The following TSC2 variants were observed in gnomAD, a reference collection of about 807,000 sequenced individuals.
TSC2 encodes TSC complex subunit 2, also known as tuberin.
Under a neutral mutation model 202.2 loss-of-function variants are expected in TSC2, and 29 were observed. That is an observed-to-expected ratio of 0.14 (90% confidence interval 0.11 to 0.20). TSC2 has a LOEUF of 0.20. Ranked by LOEUF, TSC2 falls within the 10% of genes least tolerant of loss-of-function variation. TSC2 has a pLI of 1.00. For missense variants in TSC2, 2,429 were observed against 2,420.0 expected, an observed-to-expected ratio of 1.00 and a Z score of -0.08; for synonymous variants, 1,349 against 1,044.0, an observed-to-expected ratio of 1.29 and a Z score of -5.63.
At chr16:2,066,649 ATC>A (rs1281884856) in intron 16 of TSC2, among the ~76,000 whole-genome samples, 1 of 107,042 alleles carries the variant, frequency 9.3e-6, no homozygotes, top group Non-Finnish European at 2.0e-5. Flanking sequence ...GTTCTGATTT[ATC>A]TTTTTTTTTT....
At chr16:2,081,924 A>C in intron 31 of TSC2, 126 bp downstream of exon 31, 1 of 1,303,880 alleles carries the variant, frequency 7.7e-7, no homozygotes, top group Admixed American at 2.0e-5. Flanking sequence ...GGCCTGCCTC[A>C]GCACCATTGT....
At chr16:2,063,255 C>T (rs544796926) in intron 14 of TSC2, 9 of 669,238 alleles carry the variant, frequency 1.3e-5, no homozygotes, top group Admixed American at 6.9e-5. Context: ...CAGGCCTTGA[C>T]ACGTGGCCAA....
chr16:2,057,598 C>T (rs747841270), intron 9 of TSC2, among the ~76,000 whole-genome samples: 1 of 152,310 alleles, frequency 6.6e-6, no homozygotes, highest in African/African-American at 2.4e-5. Context: ...CCAGCTCCCC[C>T]TCCTGCTCTC....
chr16:2,082,283 G>A, intron 31 of TSC2, 153 bp from the exon 32 acceptor site: 1 of 831,060 alleles, frequency 1.2e-6, no homozygotes, highest in Non-Finnish European at 2.0e-6. Context: ...GTCTGCCCAA[G>A]CAGCTTGTAG....
chr16:2,078,935 C>G, intron 26 of TSC2, 97 bp from the exon 27 acceptor site: 1 of 1,548,702 alleles, frequency 6.5e-7, no homozygotes, highest in African/African-American at 1.4e-5. Context: ...CGAGCGAGGT[C>G]CTCAGCCGTG....
chr16:2,061,393 G>A (rs1038481663), intron 11 of TSC2: 13 of 301,828 alleles, frequency 4.3e-5, no homozygotes, highest in Admixed American at 2.2e-4. Context: ...AGAGCCTGTC[G>A]CTGGGCCAGA....
At chr16:2,074,498 C>A in intron 22 of TSC2, 109 bp downstream of exon 22, 1 of 1,381,994 alleles carries the variant, frequency 7.2e-7, no homozygotes, top group Non-Finnish European at 1.0e-6. Flanking sequence ...CTGGGTGTCT[C>A]GCCTTCTGCT....
At chr16:2,064,693 A>C (rs974990329) in intron 15 of TSC2, 12 of 549,854 alleles carry the variant, frequency 2.2e-5, no homozygotes, top group Non-Finnish European at 3.3e-5. Context: ...GCTGGAGCCC[A>C]GACCTGGGGC....
rs866034702 is a variant in TSC2 at position 2,064,220 on chromosome 16, G to A, written c.1444-52G>A. The A allele has an allele frequency of 3.7e-6, 6 of 1,613,316 alleles. No individual in the cohort carries two copies. In the African/African-American group the frequency reaches 6.7e-5, roughly 18 times the overall value. On this transcript the variant is annotated intron_variant, in intron 14 of 41. Coordinates refer to ENST00000219476, the MANE Select transcript of TSC2 (RefSeq NM_000548.5). ...TCCTGAGGAATTGGAAGTGTCACGA[G>A]ATGTGGCCCTCGTTGGGCTGGCGCT... is the stretch of plus-strand genomic sequence containing the variant.
In TSC2 at chr16:2,088,670, A is replaced by T. The variant is rs1435235952; in HGVS notation, c.*60A>T. 7.7e-6 allele frequency: 10 copies of T among 1,294,020 alleles called. No individual in the cohort carries two copies. The highest frequency in any genetic ancestry group is 1.1e-5 in the Non-Finnish European group (10 of 942,054). 80.2% of individuals were successfully genotyped at this position (1,294,020 alleles called of 1,614,324 possible). On this transcript the variant is annotated 3_prime_UTR_variant, in exon 42 of 42. Coordinates refer to ENST00000219476, the MANE Select transcript of TSC2 (RefSeq NM_000548.5). ...GGTATTGCCTGTCAGTGAAATAAATAAAGTCCTGACCCCAGTGCACAGACA... is the reference window on the plus strand; with the variant it reads ...GGTATTGCCTGTCAGTGAAATAAATTAAGTCCTGACCCCAGTGCACAGACA...
chr16:2,082,391 G>T, intron 31 of TSC2, 45 bp from the exon 32 acceptor site: 2 of 1,604,780 alleles, frequency 1.2e-6, no homozygotes. Context: ...CCTGTGTGTA[G>T]CCCCTCCTCC....
In TSC2 at chr16:2,088,751, G is replaced by C; in HGVS notation, c.*141G>C. ...TTTATTGACTTTGTCTGCTTGGTGC[G>C]GGGGTTGGGGGGGTGTCGAGGCTCT... is the stretch of plus-strand genomic sequence containing the variant. On this transcript the variant is annotated 3_prime_UTR_variant, in exon 42 of 42. Coordinates refer to ENST00000219476, the MANE Select transcript of TSC2 (RefSeq NM_000548.5). 4.4e-6 allele frequency: 5 copies of C among 1,138,322 alleles called. No individual in the cohort carries two copies. The South Asian group carries it at 7.5e-5, about 17-fold the overall frequency. 70.5% of individuals were successfully genotyped at this position (1,138,322 alleles called of 1,614,324 possible).
intron 5 of TSC2, 84 bp downstream of exon 5, chr16:2,054,524 G>A: frequency 1.3e-6 from 2 of 1,597,516 alleles, no homozygotes; most frequent in South Asian, 2.2e-5. Context: ...GCTGGGGAGG[G>A]GCTGCCGTTC....
intron 7 of TSC2, 125 bp from the exon 8 acceptor site, chr16:2,056,519 G>A: frequency 1.4e-6 from 2 of 1,420,854 alleles, no homozygotes; most frequent in Non-Finnish European, 1.9e-6. Flanking sequence ...CTTGGAGAGA[G>A]GGTGCCATGG....
intron 3 of TSC2, among the ~76,000 whole-genome samples, chr16:2,050,785 C>T (rs1476216180): frequency 2.6e-5 from 4 of 151,502 alleles, no homozygotes; most frequent in Admixed American, 6.6e-5. Context: ...GACGGGGTTT[C>T]GCCATGTTGG....
Position 2,084,552 on chromosome 16 carries a change from C to G in TSC2, c.4330C>G (p.Pro1444Ala), listed in dbSNP as rs1459518095. ...AGACAGTCGGGGCCAGCCCGAGGGT[C>G]CCTTGCCTTCCAGCTCCCCCCGCTC... ...GEDSRGQPEGPLPSSSPRSPS... is the reference protein window; with the variant it reads ...GEDSRGQPEGALPSSSPRSPS... The change falls in exon 34 of 42, where the codon CCC becomes GCC. Residue 1444 changes from proline to alanine, a missense_variant. Pro to Ala is a conservative substitution (Grantham distance 27). Transcript: ENST00000219476. 5 of 1,608,888 alleles carry G rather than the reference C, an allele frequency of 3.1e-6. No individual in the cohort carries two copies. The highest frequency in any genetic ancestry group is 1.7e-5 in the Admixed American group (1 of 59,888).
chr16:2,079,630 G>T lies in TSC2; in HGVS notation c.3358G>T (p.Val1120Leu), dbSNP rs1053311636. The T allele has an allele frequency of 1.2e-6, 2 of 1,609,640 alleles. No homozygotes were observed. The highest frequency in any genetic ancestry group is 2.7e-5 in the African/African-American group (2 of 75,020). The change falls in exon 29 of 42, where the codon GTG becomes TTG. Residue 1120 changes from valine (V) to leucine (L), a missense_variant. Transcript: ENST00000219476. This position sits in a 1 kb window ranked among gnomAD's most constrained non-coding sequence, Gnocchi z 4.6. ...AKLESQAGQQ[V>L]SRGARDRVRS... is the part of the protein sequence containing the mutation. The stretch of plus-strand genomic sequence containing the variant: ...GCTGGAGTCCCAGGCTGGGCAGCAG[G>T]TGTCCCGTGGGGCCCGGGATCGGGT...
chr16:2,052,641 A>C (rs1249647923), intron 3 of TSC2, among the ~76,000 whole-genome samples: 1 of 152,114 alleles, frequency 6.6e-6, no homozygotes, highest in Admixed American at 6.5e-5. Flanking sequence ...CCCTCCTTAG[A>C]GGAGTAAGGC....
intron 12 of TSC2, 31 bp from the exon 13 acceptor site, chr16:2,062,458 GGAGGGGCA>G: frequency 1.9e-6 from 3 of 1,565,798 alleles, no homozygotes; most frequent in Non-Finnish European, 2.6e-6. Context: ...GGAGAGCGCC[GGAGGGGCA>G]GAGGGGCAAC....
Sources: allele counts gnomAD v4.1 joint callset (sites outside exome capture counted in the v4.1 genomes callset), GRCh38; gene constraint gnomAD v4.1.1; non-coding constraint Gnocchi (gnomAD v3.1); transcripts MANE v1.5; gene names NCBI Gene and HGNC (gene_info 2026-07-23, HGNC 2026-07-21).